Variants in NUCB2 observed in about 807,000 individuals in gnomAD.
NUCB2 encodes the protein nucleobindin-2.
Under a neutral mutation model 57.9 loss-of-function variants are expected in NUCB2, and 48 were observed. The ratio of observed to expected loss-of-function variants is 0.83; its 90% confidence interval spans 0.66 to 1.05. The LOEUF (loss-of-function observed/expected upper bound fraction) is 1.05, where lower values mean the gene tolerates loss of function less well. NUCB2 is among the 50% of genes least tolerant of loss of function. The pLI is 0.00. For synonymous variants in NUCB2, 139 were observed against 152.1 expected (o/e 0.91, Z 0.64); for missense variants, 442 against 476.2 (o/e 0.93, Z 0.67).
downstream of NUCB2, among the ~76,000 whole-genome samples, chr11:17,334,651 C>T (rs61267233): frequency 1.1e-3 from 170 of 152,294 alleles, 5 homozygotes; most frequent in East Asian, 0.031. Flanking sequence ...TTTGGGAAGC[C>T]AAGGTGAGTG....
intron 2 of NUCB2, among the ~76,000 whole-genome samples, chr11:17,288,880 TATACACAC>T (rs1393435997): frequency 0.034 from 2,266 of 67,476 alleles, 194 homozygotes; most frequent in East Asian, 0.045. Flanking sequence ...ATAACATGTA[TATACACAC>T]ACACACACAC....
At chr11:17,317,347 A>C (rs1029537853) in intron 11 of NUCB2, among the ~76,000 whole-genome samples, 1 of 152,136 alleles carries the variant, frequency 6.6e-6, no homozygotes, top group Non-Finnish European at 1.5e-5. Flanking sequence ...TAAAGTTTTG[A>C]ATTGCTTAAG....
At chr11:17,339,506 C>G (rs1353410463) in intron 2 of NUCB2, among the ~76,000 whole-genome samples, 1 of 129,266 alleles carries the variant, frequency 7.7e-6, no homozygotes, top group African/African-American at 2.9e-5. Flanking sequence ...CCCCCCTCCC[C>G]CCACCCCCAC....
intron 2 of NUCB2, among the ~76,000 whole-genome samples, chr11:17,345,015 C>T (rs1437894064): frequency 1.3e-5 from 2 of 152,164 alleles, no homozygotes; most frequent in Non-Finnish European, 2.9e-5. Context: ...GAATTAGAAA[C>T]CTTGCAACTT....
At position 17,309,572 on chromosome 11, in the gene NUCB2, A is replaced by T; in HGVS notation, c.380A>T (p.Asp127Val). 5.2e-6 allele frequency: 8 copies of T among 1,546,338 alleles called. No individual in the cohort carries two copies. Among genetic ancestry groups the T allele is most frequent in the Non-Finnish European group, 6.1e-6 (7 of 1,142,708 alleles). Reference protein sequence around the residue: ...LIKAKLDSLQDIGMDHQALLK... With the variant: ...LIKAKLDSLQVIGMDHQALLK... ...TTACAGTTTTCTTATTTTCTTTCAGATATAGGCATGGACCACCAAGCTCTT... is the reference window on the plus strand; with the variant it reads ...TTACAGTTTTCTTATTTTCTTTCAGTTATAGGCATGGACCACCAAGCTCTT... Residue 127 changes from aspartate to valine, a missense_variant and splice_region_variant, in exon 6 of 14, where the codon GAT becomes GTT. By Grantham distance (152) the Asp-to-Val change is radical. Transcript: ENST00000529010.
At chr11:17,298,274 A>G (rs1246934041) in intron 4 of NUCB2, among the ~76,000 whole-genome samples, 3 of 152,020 alleles carry the variant, frequency 2.0e-5, no homozygotes, top group African/African-American at 7.2e-5. Context: ...TTAAAAAAAA[A>G]ATCATCTGAG....
intron 10 of NUCB2, among the ~76,000 whole-genome samples, chr11:17,314,499 G>T (rs1160651431): frequency 6.6e-6 from 1 of 151,986 alleles, no homozygotes; most frequent in Non-Finnish European, 1.5e-5. Flanking sequence ...CATCAAGCTT[G>T]TTCCCATTTT....
At chr11:17,339,670 A>G (rs1408775087) in intron 2 of NUCB2, among the ~76,000 whole-genome samples, 1 of 151,914 alleles carries the variant, frequency 6.6e-6, no homozygotes. Flanking sequence ...TGTCCCTACA[A>G]AGGACATGAA....
chr11:17,313,434 G>GC (rs1161331889), intron 10 of NUCB2, among the ~76,000 whole-genome samples: 1 of 152,054 alleles, frequency 6.6e-6, no homozygotes, highest in Admixed American at 6.6e-5. Flanking sequence ...GGAGGCTGAG[G>GC]CATGAGAATC....
At chr11:17,288,963 A>ATTTTTTTT (rs1555071216) in intron 2 of NUCB2, among the ~76,000 whole-genome samples, 1 of 68,100 alleles carries the variant, frequency 1.5e-5, no homozygotes, top group African/African-American at 6.9e-5. Flanking sequence ...ATATATATAT[A>ATTTTTTTT]TTTTTTTTTT....
downstream of NUCB2, among the ~76,000 whole-genome samples, chr11:17,336,582 G>A (rs943215551): frequency 6.6e-6 from 1 of 151,012 alleles, no homozygotes; most frequent in Non-Finnish European, 1.5e-5. Flanking sequence ...GTGAAACCCC[G>A]TCTCTACTAA....
At chr11:17,301,984 T>G in intron 5 of NUCB2, 114 bp downstream of exon 5, 1 of 796,672 alleles carries the variant, frequency 1.3e-6, no homozygotes, top group Non-Finnish European at 1.9e-6. Context: ...ACTACAGCCT[T>G]GACCACCTGG....
rs1950812347 is a variant in NUCB2 at position 17,327,323 on chromosome 11, A to G, written c.1003-2804A>G. 3.3e-5 allele frequency among the ~76,000 whole-genome samples: 5 copies of G among 152,252 alleles called. No individual in the cohort carries two copies. In the South Asian group the frequency reaches 1.0e-3, roughly 32 times the overall value. On this transcript the variant is annotated intron_variant, in intron 11 of 13. Coordinates refer to ENST00000529010, the MANE Select transcript of NUCB2 (RefSeq NM_005013.4). Reference sequence around the variant, plus strand: ...TGATCTGCCCACCTCTGCCTCCCAAAGTGCTGAGATTACAGGTGTGAGCCA... The same window carrying G: ...TGATCTGCCCACCTCTGCCTCCCAAGGTGCTGAGATTACAGGTGTGAGCCA...
Position 17,317,459 on chromosome 11 carries a change from A to G in NUCB2, c.1002+1984A>G, listed in dbSNP as rs187706469. On this transcript the variant is annotated intron_variant, in intron 11 of 13. Transcript: ENST00000529010. Reference sequence around the variant, plus strand: ...TAATCATAGTAAAATTATCAATACTACACACATGGTACTCTTCTCCAATCT... The same window carrying G: ...TAATCATAGTAAAATTATCAATACTGCACACATGGTACTCTTCTCCAATCT... 8 of 237,598 alleles carry G rather than the reference A, an allele frequency of 3.4e-5. No homozygotes were observed. In the East Asian group the frequency reaches 8.8e-4, roughly 26 times the overall value. The allele number at this position is 237,598 out of a possible 1,614,324, so 14.7% of individuals were successfully genotyped here.
intron 11 of NUCB2, among the ~76,000 whole-genome samples, chr11:17,329,614 C>T (rs1591580952): frequency 6.6e-6 from 1 of 152,224 alleles, no homozygotes; most frequent in African/African-American, 2.4e-5. Flanking sequence ...GCTCCCTCCC[C>T]AGAGGGCACA....
chr11:17,340,156 G>A (rs1952134517), intron 2 of NUCB2, among the ~76,000 whole-genome samples: 1 of 152,188 alleles, frequency 6.6e-6, no homozygotes, highest in African/African-American at 2.4e-5. Context: ...GTCTTCTTTT[G>A]AGAAGTGTCT....
chr11:17,281,330 G>A (rs566361722), intron 1 of NUCB2, among the ~76,000 whole-genome samples: 1 of 151,632 alleles, frequency 6.6e-6, no homozygotes, highest in Non-Finnish European at 1.5e-5. Flanking sequence ...ATGTTGCCCA[G>A]GCTTGTTTTG....
At chr11:17,324,851 G>C (rs1210441617) in intron 11 of NUCB2, among the ~76,000 whole-genome samples, 2 of 151,892 alleles carry the variant, frequency 1.3e-5, no homozygotes, top group African/African-American at 4.8e-5. Flanking sequence ...GCCCTGGCTA[G>C]AGTGCAGTGG....
intron 11 of NUCB2, among the ~76,000 whole-genome samples, chr11:17,325,020 C>T (rs1348869879): frequency 6.6e-6 from 1 of 152,084 alleles, no homozygotes; most frequent in Admixed American, 6.6e-5. Flanking sequence ...CCAGGCTGGT[C>T]TTGAACTCCT....
Sources: gnomAD v4.1 joint callset for allele counts (sites outside exome capture counted in the v4.1 genomes callset) on GRCh38, gnomAD v4.1.1 for gene constraint, MANE v1.5 for transcripts, NCBI Gene and HGNC (gene_info 2026-07-23, HGNC 2026-07-21) for gene names.